Variants in ANXA8 observed in about 807,000 individuals in gnomAD.
The protein encoded by ANXA8 is VAC-beta.
Under a neutral mutation model 26.8 loss-of-function variants are expected in ANXA8, and 9 were observed. That is an observed-to-expected ratio of 0.34 (90% CI 0.20 to 0.59). The LOEUF (loss-of-function observed/expected upper bound fraction) is 0.59, where lower values mean the gene tolerates loss of function less well. Among genes scored for constraint, ANXA8 ranks in the 20% least tolerant of loss-of-function variants. The pLI is 0.84. For synonymous variants in ANXA8, 39 were observed against 94.8 expected (o/e 0.41, Z 3.42); for missense variants, 83 against 238.5 (o/e 0.35, Z 4.29).
chr10:47,481,674 T>A (rs1839814355), intron 1 of ANXA8, among the ~76,000 whole-genome samples: 1 of 151,206 alleles, frequency 6.6e-6, no homozygotes, highest in African/African-American at 2.4e-5. Flanking sequence ...TGTAAGCAGC[T>A]CCCTGGCTGG....
the ANXA8 span, among the ~76,000 whole-genome samples, chr10:47,490,641 AAC>A: frequency 7.0e-6 from 1 of 142,336 alleles, no homozygotes; most frequent in African/African-American, 2.6e-5. Context: ...CTTTTCTCCC[AAC>A]GCTGAGCTTT....
the ANXA8 span, chr10:47,502,621 G>T: frequency 1.2e-6 from 2 of 1,604,706 alleles, no homozygotes; most frequent in Non-Finnish European, 8.5e-7. Flanking sequence ...GTGGATACCT[G>T]AGCATTCAAT....
chr10:47,755,544 C>T, the ANXA8 span, among the ~76,000 whole-genome samples: 5 of 145,624 alleles, frequency 3.4e-5, no homozygotes, highest in East Asian at 2.0e-4. Context: ...TGTGAGCCAC[C>T]GTGCCCGGCC....
At chr10:47,894,666 C>A in the ANXA8 span, among the ~76,000 whole-genome samples, 43 of 151,862 alleles carry the variant, frequency 2.8e-4, no homozygotes, top group African/African-American at 9.7e-4. Context: ...AATACACCCC[C>A]CACACACCAC....
the ANXA8 span, among the ~76,000 whole-genome samples, chr10:47,704,856 A>G: frequency 4.3e-4 from 66 of 152,148 alleles, no homozygotes; most frequent in Middle Eastern, 0.014. Flanking sequence ...AAATGAAGAA[A>G]AACTAACAAA....
the ANXA8 span, chr10:47,991,784 G>A: frequency 3.7e-6 from 6 of 1,609,670 alleles, no homozygotes; most frequent in African/African-American, 8.0e-5. Context: ...TCTGGCTCCT[G>A]CAGCTGAGGA....
At chr10:47,743,040 G>T in the ANXA8 span, among the ~76,000 whole-genome samples, 1 of 143,378 alleles carries the variant, frequency 7.0e-6, no homozygotes, top group East Asian at 2.0e-4. Flanking sequence ...GCGTGGTGGC[G>T]GGCGCCTGTA....
chr10:47,672,414 C>A, the ANXA8 span, among the ~76,000 whole-genome samples: 1 of 151,882 alleles, frequency 6.6e-6, no homozygotes, highest in South Asian at 2.1e-4. Flanking sequence ...TTCAAAACTT[C>A]TTATCTCCCA....
chr10:47,548,616 C>CT, the ANXA8 span, among the ~76,000 whole-genome samples: 4 of 71,796 alleles, frequency 5.6e-5, no homozygotes, highest in Non-Finnish European at 6.1e-5. Flanking sequence ...TTCTTTTTTT[C>CT]TTTTTTTTGC....
At chr10:47,733,210 T>C in the ANXA8 span, among the ~76,000 whole-genome samples, 4 of 75,722 alleles carry the variant, frequency 5.3e-5, no homozygotes, top group African/African-American at 2.1e-4. Flanking sequence ...TCTTTCTTTC[T>C]TTCTTTCTTT....
At chr10:47,679,321 T>C in the ANXA8 span, among the ~76,000 whole-genome samples, 1 of 152,282 alleles carries the variant, frequency 6.6e-6, no homozygotes, top group African/African-American at 2.4e-5. Context: ...CCTAGGTATG[T>C]AATAATAAAA....
At chr10:47,991,796 T>A in the ANXA8 span, 2 of 1,610,044 alleles carry the variant, frequency 1.2e-6, no homozygotes, top group East Asian at 2.2e-5. Context: ...AGCTGAGGAG[T>A]GAGCAGGCCG....
chr10:47,704,896 T>C, the ANXA8 span, among the ~76,000 whole-genome samples: 1 of 152,026 alleles, frequency 6.6e-6, no homozygotes, highest in Non-Finnish European at 1.5e-5. Flanking sequence ...TATTCATTAA[T>C]TGGAAGATTT....
chr10:47,487,259 G>A (rs1338959265), upstream of ANXA8: 400 of 1,265,190 alleles, frequency 3.2e-4, 1 homozygote, highest in African/African-American at 4.3e-3. Context: ...GGGAAGGGCC[G>A]TGGTAGCAGG....
the ANXA8 span, among the ~76,000 whole-genome samples, chr10:47,513,183 C>T: frequency 1.3e-3 from 199 of 149,448 alleles, no homozygotes; most frequent in Non-Finnish European, 1.6e-3. Flanking sequence ...AACAGGTGAG[C>T]GCCACCACGC....
chr10:47,716,833 A>G, the ANXA8 span, among the ~76,000 whole-genome samples: 1 of 5,110 alleles, frequency 2.0e-4, no homozygotes. Flanking sequence ...ATGTTATAGC[A>G]TCATGTAAGT....
At chr10:47,625,822 T>C in the ANXA8 span, among the ~76,000 whole-genome samples, 1 of 150,722 alleles carries the variant, frequency 6.6e-6, no homozygotes, top group Non-Finnish European at 1.5e-5. Flanking sequence ...TTTTTTGAAC[T>C]TACTCCTCCT....
At chr10:47,741,986 A>G in the ANXA8 span, among the ~76,000 whole-genome samples, 1 of 101,098 alleles carries the variant, frequency 9.9e-6, no homozygotes. Context: ...GATTACAGGC[A>G]TGCACCTCCA....
At chr10:47,575,380 T>C in the ANXA8 span, among the ~76,000 whole-genome samples, 5 of 131,246 alleles carry the variant, frequency 3.8e-5, no homozygotes, top group Non-Finnish European at 6.5e-5. Context: ...CAAACATACT[T>C]CATTTGTTTA....
Sources: gnomAD v4.1 joint callset for allele counts (sites outside exome capture counted in the v4.1 genomes callset) on GRCh38, gnomAD v4.1.1 for gene constraint, MANE v1.5 for transcripts, NCBI Gene and HGNC (gene_info 2026-07-23, HGNC 2026-07-21) for gene names.